Variants in UBASH3B observed in about 807,000 individuals in gnomAD.
The protein encoded by UBASH3B is ubiquitin-associated and SH3 domain-containing protein B.
UBASH3B carries 37 observed loss-of-function variants against 83.4 expected under a neutral mutation model. The ratio of observed to expected loss-of-function variants is 0.44; its 90% CI spans 0.34 to 0.58. UBASH3B has a LOEUF of 0.58. Ranked by LOEUF, UBASH3B falls within the 20% of genes least tolerant of loss-of-function variation. The pLI is 0.01. For missense variants in UBASH3B, 657 were observed against 827.2 expected (o/e 0.79, Z 2.52); for synonymous variants, 304 against 318.3 (o/e 0.96, Z 0.48).
rs1863450083 is a variant in UBASH3B, at chr11:122,662,001, G to A, written c.161+5791G>A. On this transcript the variant is annotated intron_variant, in intron 1 of 13. Transcript: ENST00000284273. ...AGCTCACTGCAACCTCTGCCTCCTAGGTGTCAAGTGATTCTCCTGCCTTAG... is the reference window on the plus strand; with the variant it reads ...AGCTCACTGCAACCTCTGCCTCCTAAGTGTCAAGTGATTCTCCTGCCTTAG... Among the ~76,000 whole-genome samples the A allele has an allele frequency of 2.7e-5, 4 of 150,298 alleles. No homozygotes were observed. In the Admixed American group the frequency reaches 2.7e-4, roughly 10 times the overall value.
At chr11:122,673,875 T>A (rs924981377) in intron 1 of UBASH3B, among the ~76,000 whole-genome samples, 6 of 152,216 alleles carry the variant, frequency 3.9e-5, no homozygotes, top group Non-Finnish European at 7.3e-5. Flanking sequence ...CTTCAGCCTT[T>A]CTCAGCTTAC....
intron 1 of UBASH3B, among the ~76,000 whole-genome samples, chr11:122,665,228 A>C (rs7106417): frequency 0.047 from 7,116 of 152,068 alleles, 366 homozygotes; most frequent in East Asian, 0.13. Flanking sequence ...CCCAGGCTAC[A>C]GTGCAATAAC....
intron 1 of UBASH3B, among the ~76,000 whole-genome samples, chr11:122,768,338 C>T (rs1015240483): frequency 3.3e-5 from 5 of 151,854 alleles, no homozygotes; most frequent in Admixed American, 6.6e-5. Context: ...ATGCTGTGTC[C>T]GTGAGGGCTG....
intron 1 of UBASH3B, among the ~76,000 whole-genome samples, chr11:122,698,920 G>A (rs891047256): frequency 1.3e-5 from 2 of 152,118 alleles, no homozygotes; most frequent in African/African-American, 2.4e-5. Flanking sequence ...TTGCGATCTC[G>A]GCTCGCTGCA....
At position 122,758,581 on chromosome 11, in the gene UBASH3B, T is replaced by C. The variant is rs1053085074; in HGVS notation, c.162-17638T>C. ...CCTGTGCCAAACTCAGAGCTAAGCA[T>C]GTCACATAACCCTAACAGCTGGTGT... On this transcript the variant is annotated intron_variant, in intron 1 of 13. Transcript: ENST00000284273. The surrounding 1 kb of genome is among the most constrained non-coding windows in gnomAD (Gnocchi z 4.2). Among the ~76,000 whole-genome samples, 1 of 152,204 alleles carries C rather than the reference T, an allele frequency of 6.6e-6. No homozygotes were observed. Among genetic ancestry groups the C allele is most frequent in the Non-Finnish European group, 1.5e-5 (1 of 68,050 alleles).
intron 5 of UBASH3B, among the ~76,000 whole-genome samples, chr11:122,784,758 A>C (rs993133153): frequency 2.0e-5 from 3 of 152,202 alleles, no homozygotes; most frequent in African/African-American, 7.2e-5. Flanking sequence ...TCAGAGGTTC[A>C]GGGTTAAGCA....
At chr11:122,697,663 A>G (rs570664069) in intron 1 of UBASH3B, among the ~76,000 whole-genome samples, 163 of 152,178 alleles carry the variant, frequency 1.1e-3, no homozygotes, top group African/African-American at 3.8e-3. Flanking sequence ...TTCTTGTCCA[A>G]TGTGAATTGT....
chr11:122,687,441 G>C (rs988180834), intron 1 of UBASH3B, among the ~76,000 whole-genome samples: 4 of 152,194 alleles, frequency 2.6e-5, no homozygotes, highest in Non-Finnish European at 5.9e-5. Flanking sequence ...TGGGCGTCCA[G>C]TGGGGAGGTT....
intron 1 of UBASH3B, among the ~76,000 whole-genome samples, chr11:122,744,536 G>A (rs1414306009): frequency 1.3e-5 from 2 of 152,084 alleles, no homozygotes; most frequent in African/African-American, 4.8e-5. Context: ...TTGTGACTGT[G>A]ATCATGTGAT....
intron 1 of UBASH3B, among the ~76,000 whole-genome samples, chr11:122,751,923 T>C (rs1427218574): frequency 6.6e-6 from 1 of 152,024 alleles, no homozygotes; most frequent in Non-Finnish European, 1.5e-5. Context: ...AGTAGTCAGC[T>C]CTCCAAAGAA....
At chr11:122,718,012 C>T (rs1343823997) in intron 1 of UBASH3B, among the ~76,000 whole-genome samples, 2 of 151,912 alleles carry the variant, frequency 1.3e-5, no homozygotes, top group Non-Finnish European at 2.9e-5. Context: ...ACCTTCGCCT[C>T]CTGGGTTCAA....
At chr11:122,680,524 C>T (rs1208073317) in intron 1 of UBASH3B, among the ~76,000 whole-genome samples, 4 of 152,174 alleles carry the variant, frequency 2.6e-5, no homozygotes, top group Non-Finnish European at 5.9e-5. Flanking sequence ...AGTGCAATGG[C>T]GCGATCTTGG....
Position 122,710,422 on chromosome 11 carries a change from C to T in UBASH3B, c.161+54212C>T, listed in dbSNP as rs1038133299. Among the ~76,000 whole-genome samples, 36 of 152,164 alleles carry T rather than the reference C, an allele frequency of 2.4e-4. 1 individual carries two copies. Among genetic ancestry groups the T allele is most frequent in the Admixed American group, 3.3e-4 (5 of 15,270 alleles). ...GTGCTGCCTTCTGCACACATTATCT[C>T]TGTGTCATCACAACCACCCTGCAAG... On this transcript the variant is annotated intron_variant, in intron 1 of 13. Coordinates refer to ENST00000284273, the MANE Select transcript of UBASH3B (RefSeq NM_032873.5).
chr11:122,756,903 T>C (rs1025247805), intron 1 of UBASH3B, among the ~76,000 whole-genome samples: 2 of 152,218 alleles, frequency 1.3e-5, no homozygotes, highest in African/African-American at 4.8e-5. Flanking sequence ...GAGCACAATT[T>C]GGGGAGTTAG....
chr11:122,673,503 AT>A (rs1219716981), intron 1 of UBASH3B, among the ~76,000 whole-genome samples: 3 of 152,090 alleles, frequency 2.0e-5, no homozygotes, highest in Non-Finnish European at 4.4e-5. Context: ...AAAAATAAAA[AT>A]AAAAATTAGC....
intron 1 of UBASH3B, among the ~76,000 whole-genome samples, chr11:122,707,708 AT>A (rs1378762169): frequency 1.3e-5 from 2 of 151,220 alleles, no homozygotes; most frequent in Non-Finnish European, 1.5e-5. Context: ...TTATTTATTT[AT>A]TTTTTTTGAG....
chr11:122,786,771 TG>T (rs1222524111), intron 5 of UBASH3B, among the ~76,000 whole-genome samples: 21 of 152,262 alleles, frequency 1.4e-4, no homozygotes, highest in African/African-American at 4.8e-4. Context: ...GCTAAGGTTT[TG>T]TATCTGCTTT....
chr11:122,782,957 A>C (rs1860881208), intron 4 of UBASH3B, 96 bp from the exon 5 acceptor site: 1 of 1,430,520 alleles, frequency 7.0e-7, no homozygotes. Context: ...TGGGAAGCAG[A>C]ATTTCTCAGG....
chr11:122,691,847 GC>G (rs906768703), intron 1 of UBASH3B, among the ~76,000 whole-genome samples: 1 of 152,130 alleles, frequency 6.6e-6, no homozygotes, highest in Non-Finnish European at 1.5e-5. Flanking sequence ...TGTGTTTTGG[GC>G]AGGGTTTGCT....
Sources: gnomAD v4.1 joint callset for allele counts (sites outside exome capture counted in the v4.1 genomes callset) on GRCh38, gnomAD v4.1.1 for gene constraint, Gnocchi (gnomAD v3.1) non-coding constraint, MANE v1.5 for transcripts, NCBI Gene and HGNC (gene_info 2026-07-23, HGNC 2026-07-21) for gene names.